SUCLG2: variants seen among roughly 807,000 people sequenced by gnomAD.
SUCLG2 encodes the protein succinate--CoA ligase [GDP-forming] subunit beta, mitochondrial.
In SUCLG2, 42 loss-of-function variants were observed where a neutral mutation model predicts 47.9. That is an observed-to-expected ratio of 0.88 (90% CI 0.69 to 1.14). The LOEUF (loss-of-function observed/expected upper bound fraction) is 1.14, where lower values mean the gene tolerates loss of function less well. Ranked by LOEUF, SUCLG2 falls within the 50% of genes most tolerant of loss-of-function variation. The pLI is 0.00. For synonymous variants in SUCLG2, 195 were observed against 197.3 expected (o/e 0.99, Z 0.10); for missense variants, 571 against 525.9 (o/e 1.09, Z -0.84).
At chr3:67,503,315 A>C (rs905068834) in intron 7 of SUCLG2, among the ~76,000 whole-genome samples, 9 of 152,204 alleles carry the variant, frequency 5.9e-5, no homozygotes, top group African/African-American at 2.2e-4. Flanking sequence ...TTAACATGAA[A>C]ACCAAAAAAA....
At chr3:67,374,635 C>G (rs1357059877), downstream of SUCLG2, 3 of 455,964 alleles carry the variant, frequency 6.6e-6, no homozygotes, top group African/African-American at 6.4e-5. Flanking sequence ...AGAGGCATAC[C>G]TAAGACACTA....
At chr3:67,481,425 A>G (rs1242192416) in intron 9 of SUCLG2, among the ~76,000 whole-genome samples, 2 of 152,236 alleles carry the variant, frequency 1.3e-5, no homozygotes, top group South Asian at 2.1e-4. Flanking sequence ...TTTATTTACA[A>G]AAACAGGCAT....
chr3:67,505,873 A>G (rs1383479477), intron 7 of SUCLG2, among the ~76,000 whole-genome samples: 1 of 152,116 alleles, frequency 6.6e-6, no homozygotes, highest in Non-Finnish European at 1.5e-5. Flanking sequence ...GACGTAGGAG[A>G]ATCACTTGAA....
chr3:67,386,331 CATT>C (rs1049458991), intron 10 of SUCLG2, among the ~76,000 whole-genome samples: 7 of 151,706 alleles, frequency 4.6e-5, no homozygotes, highest in Non-Finnish European at 8.8e-5. Context: ...TCTCCGACCT[CATT>C]ATCCACCTGA....
intron 2 of SUCLG2, among the ~76,000 whole-genome samples, chr3:67,553,907 C>A (rs186055119): frequency 6.6e-6 from 1 of 152,122 alleles, no homozygotes; most frequent in Admixed American, 6.5e-5. Context: ...AAAAAATGTA[C>A]GCAGATTACT....
intron 9 of SUCLG2, among the ~76,000 whole-genome samples, chr3:67,433,968 ACT>A (rs1186762970): frequency 2.0e-5 from 3 of 152,060 alleles, no homozygotes; most frequent in African/African-American, 7.3e-5. Flanking sequence ...ACCTACGAGA[ACT>A]CTGTCTAATT....
intron 10 of SUCLG2, among the ~76,000 whole-genome samples, chr3:67,399,576 A>C (rs1487981445): frequency 6.6e-6 from 1 of 152,202 alleles, no homozygotes; most frequent in African/African-American, 2.4e-5. Flanking sequence ...GCTTCCTACT[A>C]AAAAGCTTTT....
Position 67,482,864 on chromosome 3 carries a change from T to A in SUCLG2, c.1062+12934A>T, listed in dbSNP as rs532852639. Among the ~76,000 whole-genome samples, 36 of 152,334 alleles carry A rather than the reference T, an allele frequency of 2.4e-4. No homozygotes were observed. The East Asian group carries it at 6.2e-3, about 26-fold the overall frequency. On this transcript the variant is annotated intron_variant, in intron 9 of 10. Transcript: ENST00000307227. ...TGGATTTTCTGCTTGCTGTTTACGA[T>A]CTTCAGGCCTTTCAGTATTAGAGCA...
At chr3:67,523,849 G>A (rs745815826) in intron 4 of SUCLG2, among the ~76,000 whole-genome samples, 13 of 152,204 alleles carry the variant, frequency 8.5e-5, no homozygotes, top group Non-Finnish European at 1.2e-4. Context: ...GTTATTCTTA[G>A]AGGCAACACA....
At chr3:67,631,356 G>A (rs1279020753) in intron 1 of SUCLG2, among the ~76,000 whole-genome samples, 2 of 152,114 alleles carry the variant, frequency 1.3e-5, no homozygotes, top group African/African-American at 4.8e-5. Flanking sequence ...GGCCGGGTGT[G>A]AGGGCTCATA....
At chr3:67,428,225 G>A (rs151271306) in intron 9 of SUCLG2, among the ~76,000 whole-genome samples, 1,912 of 152,290 alleles carry the variant, frequency 0.013, 51 homozygotes, top group African/African-American at 0.044. Flanking sequence ...ATACAGCAGG[G>A]TGCCCCTCTG....
chr3:67,630,348 G>A (rs1700904206), intron 1 of SUCLG2, among the ~76,000 whole-genome samples: 1 of 152,184 alleles, frequency 6.6e-6, no homozygotes, highest in Non-Finnish European at 1.5e-5. Flanking sequence ...TTATATAGAA[G>A]ATTAAATACT....
chr3:67,602,282 T>G (rs1369664794), intron 2 of SUCLG2, among the ~76,000 whole-genome samples: 1 of 152,190 alleles, frequency 6.6e-6, no homozygotes, highest in Non-Finnish European at 1.5e-5. Context: ...TAAGAAGAAT[T>G]AATCCTTGCT....
intron 9 of SUCLG2, among the ~76,000 whole-genome samples, chr3:67,428,338 G>A (rs545071610): frequency 6.6e-6 from 1 of 152,282 alleles, no homozygotes; most frequent in Non-Finnish European, 1.5e-5. Flanking sequence ...ACAGGGTCTG[G>A]AGTGGACCTC....
intron 9 of SUCLG2, among the ~76,000 whole-genome samples, chr3:67,488,901 G>A (rs28579576): frequency 6.6e-6 from 1 of 152,048 alleles, no homozygotes; most frequent in Non-Finnish European, 1.5e-5. Context: ...TGGGACTAAC[G>A]ACAAAATTTA....
intron 9 of SUCLG2, among the ~76,000 whole-genome samples, chr3:67,490,115 C>T (rs1049079107): frequency 3.3e-5 from 5 of 152,110 alleles, no homozygotes; most frequent in South Asian, 2.1e-4. Flanking sequence ...CTGCTCAATC[C>T]GTGAATCACT....
intron 9 of SUCLG2, among the ~76,000 whole-genome samples, chr3:67,406,752 G>A (rs992508649): frequency 7.2e-5 from 11 of 152,134 alleles, no homozygotes; most frequent in African/African-American, 2.2e-4. Flanking sequence ...AGTTTGAGAA[G>A]CCTTTGGTTT....
At chr3:67,649,374 A>G (rs1210956444) in intron 1 of SUCLG2, among the ~76,000 whole-genome samples, 1 of 152,220 alleles carries the variant, frequency 6.6e-6, no homozygotes, top group Non-Finnish European at 1.5e-5. Context: ...CCAACATTCT[A>G]TAAAGAATGA....
intron 9 of SUCLG2, chr3:67,408,639 T>C (rs1462707242): frequency 1.9e-6 from 2 of 1,058,314 alleles, no homozygotes; most frequent in African/African-American, 3.4e-5. Context: ...TCTGTCCTTA[T>C]TCTGTCTATT....
Sources: allele counts gnomAD v4.1 joint callset (sites outside exome capture counted in the v4.1 genomes callset), GRCh38; gene constraint gnomAD v4.1.1; transcripts MANE v1.5; gene names NCBI Gene and HGNC (gene_info 2026-07-23, HGNC 2026-07-21).